KCNK10: variants seen among roughly 807,000 people sequenced by gnomAD.
KCNK10 encodes potassium channel subfamily K member 10.
Under a neutral mutation model 47.7 loss-of-function variants are expected in KCNK10, and 25 were observed. That is an observed-to-expected ratio of 0.52 (90% CI 0.38 to 0.73). KCNK10 has a LOEUF of 0.73. Among genes scored for constraint, KCNK10 ranks in the 30% least tolerant of loss-of-function variants. KCNK10 has a pLI of 0.00. For synonymous variants in KCNK10, 303 were observed against 285.6 expected, an observed-to-expected ratio of 1.06 and a Z score of -0.61; for missense variants, 563 against 714.5, an observed-to-expected ratio of 0.79 and a Z score of 2.42.
At chr14:88,212,448 GA>G (rs968100488) in intron 4 of KCNK10, among the ~76,000 whole-genome samples, 71 of 144,762 alleles carry the variant, frequency 4.9e-4, no homozygotes, top group Non-Finnish European at 6.7e-4. Flanking sequence ...CTCAAAAAAA[GA>G]AAAAAAAAAG....
chr14:88,287,542 A>G (rs186562083), intron 1 of KCNK10, among the ~76,000 whole-genome samples: 3 of 152,294 alleles, frequency 2.0e-5, no homozygotes, highest in East Asian at 1.9e-4. Context: ...GCTCCCACTT[A>G]TAAGTAAGAA....
chr14:88,256,946 G>T (rs1274425249), intron 2 of KCNK10, among the ~76,000 whole-genome samples: 3 of 152,138 alleles, frequency 2.0e-5, no homozygotes, highest in Non-Finnish European at 2.9e-5. Flanking sequence ...GGGGCAACAT[G>T]ATATTTGCCC....
chr14:88,255,707 G>T (rs549640443), intron 2 of KCNK10, among the ~76,000 whole-genome samples: 1 of 151,750 alleles, frequency 6.6e-6, no homozygotes, highest in South Asian at 2.1e-4. Flanking sequence ...GAGATAACCT[G>T]CTCACTCTGA....
intron 1 of KCNK10, among the ~76,000 whole-genome samples, chr14:88,307,833 G>A (rs1352212261): frequency 1.3e-5 from 2 of 152,124 alleles, no homozygotes; most frequent in South Asian, 2.1e-4. Context: ...TCAGCAAATG[G>A]GTGTTACCAG....
chr14:88,234,780 C>A (rs561462500), intron 3 of KCNK10, among the ~76,000 whole-genome samples: 1 of 152,208 alleles, frequency 6.6e-6, no homozygotes, highest in South Asian at 2.1e-4. Context: ...TGTATGTGGG[C>A]AGAAAATCCT....
chr14:88,212,714 A>G (rs1885500878), intron 4 of KCNK10, among the ~76,000 whole-genome samples: 1 of 152,234 alleles, frequency 6.6e-6, no homozygotes, highest in African/African-American at 2.4e-5. Context: ...CCTAAAACTC[A>G]GCAGTAAACT....
intron 2 of KCNK10, among the ~76,000 whole-genome samples, chr14:88,261,398 A>C (rs1275873264): frequency 6.6e-6 from 1 of 152,234 alleles, no homozygotes; most frequent in Non-Finnish European, 1.5e-5. Flanking sequence ...GCTAGGCTTT[A>C]AATCTGGCAC....
At chr14:88,230,058 C>T (rs1362897097) in intron 3 of KCNK10, among the ~76,000 whole-genome samples, 1 of 152,170 alleles carries the variant, frequency 6.6e-6, no homozygotes, top group Non-Finnish European at 1.5e-5. Flanking sequence ...AAAGACAAGG[C>T]TATTAAAGTG....
chr14:88,260,312 A>C lies in KCNK10; in HGVS notation c.402+2890T>G, dbSNP rs1887075415. Among the ~76,000 whole-genome samples, 1 of 152,160 alleles carries C rather than the reference A, an allele frequency of 6.6e-6. No individual in the cohort carries two copies. Among genetic ancestry groups the C allele is most frequent in the Admixed American group, 6.5e-5 (1 of 15,276 alleles). On this transcript the variant is annotated intron_variant, in intron 2 of 6. Transcript: ENST00000319231. The surrounding 1 kb of genome is among the most constrained non-coding windows in gnomAD (Gnocchi z 4.5). ...TCTCTTCCTCCTGCTCCAGCCATAT[A>C]GGACATGCCTGCCTCCCCTTCGTCT... is the stretch of plus-strand genomic sequence containing the variant.
At chr14:88,309,419 TG>T (rs1221075623) in intron 1 of KCNK10, among the ~76,000 whole-genome samples, 1 of 152,056 alleles carries the variant, frequency 6.6e-6, no homozygotes, top group Non-Finnish European at 1.5e-5. Context: ...CTGGGCAACA[TG>T]GCAAAATCCC....
At chr14:88,311,271 C>T (rs1181973123) in intron 1 of KCNK10, among the ~76,000 whole-genome samples, 1 of 152,140 alleles carries the variant, frequency 6.6e-6, no homozygotes. Context: ...TTTAAATAAT[C>T]TTTTAAAAAT....
At chr14:88,201,292 C>A (rs1052171339) in intron 4 of KCNK10, among the ~76,000 whole-genome samples, 5 of 152,178 alleles carry the variant, frequency 3.3e-5, no homozygotes, top group African/African-American at 1.2e-4. Context: ...TTTCCTTATT[C>A]ATCTATCACT....
At chr14:88,207,796 C>T (rs147131623) in intron 4 of KCNK10, among the ~76,000 whole-genome samples, 6 of 152,218 alleles carry the variant, frequency 3.9e-5, no homozygotes, top group Non-Finnish European at 7.4e-5. Context: ...GATGGGGATG[C>T]CCACCATCAA....
chr14:88,214,413 T>C (rs1885556253), intron 4 of KCNK10, among the ~76,000 whole-genome samples: 1 of 152,126 alleles, frequency 6.6e-6, no homozygotes, highest in African/African-American at 2.4e-5. Flanking sequence ...AGTAGAGCAG[T>C]GGATGGAAGA....
rs146135188 is a variant in KCNK10, at chr14:88,263,182, T to A, written c.402+20A>T. 3 of 1,597,854 alleles carry A rather than the reference T, an allele frequency of 1.9e-6. No individual in the cohort carries two copies. The highest frequency in any genetic ancestry group is 2.6e-6 in the Non-Finnish European group (3 of 1,168,390). On this transcript the variant is annotated intron_variant, in intron 2 of 6. Transcript: ENST00000319231. ...ATCCACCCCACCAGCTGGCCTAAGA[T>A]GGACTCACTCCCTGCTCACCTGGAT...
intron 4 of KCNK10, among the ~76,000 whole-genome samples, chr14:88,203,369 A>G (rs1327695150): frequency 6.6e-6 from 1 of 152,138 alleles, no homozygotes; most frequent in Non-Finnish European, 1.5e-5. Context: ...AATTAGCCAT[A>G]GTTTCTCTCA....
In KCNK10 at chr14:88,322,905, AT is replaced by A; in HGVS notation, c.-108del. The A allele has an allele frequency of 6.3e-7, 1 of 1,580,774 alleles. No individual in the cohort carries two copies. The highest frequency in any genetic ancestry group is 8.6e-7 in the Non-Finnish European group (1 of 1,163,694). On this transcript the variant is annotated 5_prime_UTR_variant, in exon 1 of 7. Coordinates refer to ENST00000319231, the MANE Select transcript of KCNK10 (RefSeq NM_138317.3). The surrounding 1 kb of genome is among the most constrained non-coding windows in gnomAD (Gnocchi z 4.8). ...CAGTCCAACAAAACAATTTCCGAGG[AT>A]GGGGGAGCCTTGGACTGGCTCGTGG...
In KCNK10 at chr14:88,215,016, T is replaced by C. The variant is rs151257346; in HGVS notation, c.681+12359A>G. ...TTTGGAAGTCTAGTTCTGTCATTTA[T>C]GGGCTGTGTGACCTTGGACAAGTCA... is the stretch of plus-strand genomic sequence containing the variant. On this transcript the variant is annotated intron_variant, in intron 4 of 6. Coordinates refer to ENST00000319231, the MANE Select transcript of KCNK10 (RefSeq NM_138317.3). 5.2e-3 allele frequency among the ~76,000 whole-genome samples: 790 copies of C among 152,318 alleles called. 5 individuals are homozygous for C. The highest frequency in any genetic ancestry group is 0.018 in the African/African-American group (757 of 41,574).
In KCNK10 at chr14:88,216,151, C is replaced by T. The variant is rs185736714; in HGVS notation, c.681+11224G>A. Among the ~76,000 whole-genome samples, 295 of 152,196 alleles carry T rather than the reference C, an allele frequency of 1.9e-3. 1 individual carries two copies. Among genetic ancestry groups the T allele is most frequent in the Non-Finnish European group, 2.2e-3 (152 of 68,014 alleles). ...TTTCTTGGTGAGAAATGATCTCATT[C>T]CCGGAGTATAAAATCTGCAAAGCCC... On this transcript the variant is annotated intron_variant, in intron 4 of 6. Transcript: ENST00000319231.
Sources: allele counts gnomAD v4.1 joint callset (sites outside exome capture counted in the v4.1 genomes callset), GRCh38; gene constraint gnomAD v4.1.1; non-coding constraint Gnocchi (gnomAD v3.1); transcripts MANE v1.5; gene names NCBI Gene and HGNC (gene_info 2026-07-23, HGNC 2026-07-21).